EPRS1: variants seen among roughly 807,000 people sequenced by gnomAD.
EPRS1 encodes the protein bifunctional glutamate/proline--tRNA ligase.
EPRS1 carries 107 observed loss-of-function variants against 188.3 expected under a neutral mutation model. The ratio of observed to expected loss-of-function variants is 0.57; its 90% CI spans 0.49 to 0.67. The LOEUF (loss-of-function observed/expected upper bound fraction) is 0.67, where lower values mean the gene tolerates loss of function less well. Ranked by LOEUF, EPRS1 falls within the 30% of genes least tolerant of loss-of-function variation. The pLI is 0.00. For synonymous variants in EPRS1, 596 were observed against 593.1 expected, an observed-to-expected ratio of 1.00 and a Z score of -0.07; for missense variants, 1,577 against 1,802.2, an observed-to-expected ratio of 0.88 and a Z score of 2.26.
intron 10 of EPRS1, 25 bp downstream of exon 10, chr1:220,019,963 C>A: frequency 6.7e-7 from 1 of 1,499,756 alleles, no homozygotes; most frequent in South Asian, 1.1e-5. Flanking sequence ...TACTTCTTGT[C>A]AATTCTAAGT....
At chr1:219,999,744 T>C (rs1274507317) in intron 17 of EPRS1, among the ~76,000 whole-genome samples, 1 of 152,054 alleles carries the variant, frequency 6.6e-6, no homozygotes, top group Non-Finnish European at 1.5e-5. Flanking sequence ...GAGGCCGAGG[T>C]GGGCAGATCA....
At chr1:219,988,546 G>T in intron 19 of EPRS1, 44 bp downstream of exon 19, 1 of 1,366,774 alleles carries the variant, frequency 7.3e-7, no homozygotes, top group Non-Finnish European at 1.0e-6. Flanking sequence ...ACAATACCCT[G>T]AAACATAAAA....
intron 2 of EPRS1, among the ~76,000 whole-genome samples, chr1:220,037,804 G>T (rs2102599390): frequency 6.6e-6 from 1 of 152,152 alleles, no homozygotes; most frequent in South Asian, 2.1e-4. Flanking sequence ...ACATAGAAAA[G>T]TTCAGAAATC....
At chr1:220,039,800 G>A (rs1662258757) in intron 2 of EPRS1, among the ~76,000 whole-genome samples, 1 of 152,184 alleles carries the variant, frequency 6.6e-6, no homozygotes, top group Admixed American at 6.5e-5. Context: ...TTACAGGTGT[G>A]AGCCACCGCG....
At chr1:220,017,547 G>A (rs540925813) in intron 12 of EPRS1, among the ~76,000 whole-genome samples, 17 of 152,126 alleles carry the variant, frequency 1.1e-4, no homozygotes, top group African/African-American at 3.9e-4. Context: ...AACTAAACAC[G>A]AAAGACCAAA....
rs1660706649 is a variant in EPRS1, at chr1:219,973,383, G to A, written c.4099C>T (p.Leu1367Phe). ...TTCATATCACGTGGCCCAACTTCAA[G>A]TCTAATGGGAACTCCCTATAAGATA... ...HWELKGVPIR[L>F]EVGPRDMKSC... Residue 1367 changes from leucine (L) to phenylalanine (F), a missense_variant, in exon 29 of 32, where the codon CTT (leucine) becomes TTT (phenylalanine). This residue lies in a region of EPRS1 where 296 missense variants were observed against 327.9 expected (regional missense o/e 0.90). Transcript: ENST00000366923. 6.2e-7 allele frequency: 1 copy of A among 1,611,106 alleles called. No homozygotes were observed. Among genetic ancestry groups the A allele is most frequent in the African/African-American group, 1.3e-5 (1 of 74,202 alleles).
chr1:220,005,102 TA>T (rs1234613896), intron 16 of EPRS1, 145 bp downstream of exon 16: 2 of 399,492 alleles, frequency 5.0e-6, no homozygotes, highest in African/African-American at 4.1e-5. Context: ...ATTACTTGTC[TA>T]AAATGTTAAA....
At chr1:220,008,887 G>C (rs1157877073) in intron 13 of EPRS1, among the ~76,000 whole-genome samples, 3 of 151,978 alleles carry the variant, frequency 2.0e-5, no homozygotes, top group African/African-American at 7.3e-5. Context: ...TGTTGACCAG[G>C]CTGGTCTTGA....
intron 27 of EPRS1, among the ~76,000 whole-genome samples, chr1:219,978,964 A>AT (rs143483062): frequency 0.083 from 10,406 of 125,850 alleles, 398 homozygotes; most frequent in African/African-American, 0.095. Context: ...ATATATATAT[A>AT]TTTTTTTTTC....
At chr1:220,033,732 T>C (rs1484015021) in intron 3 of EPRS1, 74 bp from the exon 4 acceptor site, 6 of 1,087,018 alleles carry the variant, frequency 5.5e-6, no homozygotes, top group African/African-American at 4.8e-5. Flanking sequence ...ATAAAAAAAT[T>C]CTAGTTAACT....
chr1:219,983,391 G>A lies in EPRS1; in HGVS notation c.3098C>T (p.Thr1033Ile), dbSNP rs1446635525. The A allele has an allele frequency of 1.9e-6, 3 of 1,607,766 alleles. No individual in the cohort carries two copies. The highest frequency in any genetic ancestry group is 3.4e-5 in the Admixed American group (2 of 59,082). Residue 1033 changes from threonine to isoleucine, a missense_variant, in exon 22 of 32, where the codon ACA becomes ATA. This residue lies in a region of EPRS1 where 1,278 missense variants were observed against 1,457.4 expected (regional missense o/e 0.88). Coordinates refer to ENST00000366923, the MANE Select transcript of EPRS1 (RefSeq NM_004446.3). The stretch of plus-strand genomic sequence containing the variant: ...ATGGTATTCAATCATTTCTGACTTT[G>A]TGATGACCTTTTTAAAAGAAAAATA... ...NLADWYSQVI[T>I]KSEMIEYHDI... is the part of the protein sequence containing the mutation.
At chr1:219,998,692 A>C (rs1661284383) in intron 17 of EPRS1, among the ~76,000 whole-genome samples, 1 of 151,738 alleles carries the variant, frequency 6.6e-6, no homozygotes, top group South Asian at 2.1e-4. Flanking sequence ...ACAGGCCTGC[A>C]CCACCACACC....
chr1:220,024,335 A>G lies in EPRS1; in HGVS notation c.872T>C (p.Val291Ala), dbSNP rs1413053062. 2 of 1,613,678 alleles carry G rather than the reference A, an allele frequency of 1.2e-6. No homozygotes were observed. Among genetic ancestry groups the G allele is most frequent in the Non-Finnish European group, 1.7e-6 (2 of 1,179,656 alleles). Reference protein sequence around the residue: ...EKLIQEGKAYVDDTPAEQMKA... With the variant: ...EKLIQEGKAYADDTPAEQMKA... ...CATCTGTTCAGCAGGAGTATCATCC[A>G]CATAAGCCTTCCCTTCTTGAATTAG... is the stretch of plus-strand genomic sequence containing the variant. The change falls in exon 8 of 32, where the codon GTG becomes GCG. Residue 291 changes from valine to alanine, a missense_variant. By Grantham distance (64) the Val-to-Ala change is moderately conservative (BLOSUM62 0). Transcript: ENST00000366923.
chr1:219,969,148 A>G (rs1660620080), intron 30 of EPRS1, 26 bp from the exon 31 acceptor site: 1 of 1,467,784 alleles, frequency 6.8e-7, no homozygotes, highest in East Asian at 2.3e-5. Flanking sequence ...AAAAGTAATC[A>G]GTATTTATAA....
At position 219,997,128 on chromosome 1, in the gene EPRS1, T is replaced by C; in HGVS notation, c.2396A>G (p.Tyr799Cys). The change falls in exon 18 of 32, where the codon TAT becomes TGT. Residue 799 changes from tyrosine (Y) to cysteine (C), a missense_variant. Tyr to Cys is a radical substitution (Grantham distance 194). Transcript: ENST00000366923. ...AEYKEKTGQE[Y>C]KPGNPPAEIG... ...TTCAGCAGGAGGGTTTCCAGGTTTA[T>C]ATTCCTGGCCAGTTTTCTCCTTATA... 6.2e-7 allele frequency: 1 copy of C among 1,614,110 alleles called. No individual in the cohort carries two copies. Among genetic ancestry groups the C allele is most frequent in the Non-Finnish European group, 8.5e-7 (1 of 1,179,996 alleles).
intron 12 of EPRS1, 131 bp from the exon 13 acceptor site, chr1:220,011,187 A>C: frequency 1.8e-6 from 1 of 554,782 alleles, no homozygotes; most frequent in Non-Finnish European, 3.2e-6. Flanking sequence ...TTCAACTGTT[A>C]ACTCTTTTCT....
chr1:220,015,417 C>T (rs1165339342), intron 12 of EPRS1, among the ~76,000 whole-genome samples: 2 of 151,954 alleles, frequency 1.3e-5, no homozygotes, highest in South Asian at 2.1e-4. Context: ...GAGCCGAGAT[C>T]GTGCCACTGC....
chr1:219,997,214 C>T lies in EPRS1; in HGVS notation c.2310G>A (p.Lys770=), dbSNP rs1326929771. 1 of 1,613,956 alleles carries T rather than the reference C, an allele frequency of 6.2e-7. No individual in the cohort carries two copies. The highest frequency in any genetic ancestry group is 2.2e-5 in the East Asian group (1 of 44,874). ...CATCTACATCTTCCTTTGGTGCTTT[C>T]TTGGCTTTTAATTCACGAACCACAT... The part of the protein sequence containing the change: ...QGDVVRELKA[K]KAPKEDVDAA... Residue 770 remains lysine, a synonymous_variant, in exon 18 of 32, where the codon AAG becomes AAA. Transcript: ENST00000366923.
At chr1:219,970,472 C>T (rs1246099774) in intron 30 of EPRS1, among the ~76,000 whole-genome samples, 5 of 152,098 alleles carry the variant, frequency 3.3e-5, no homozygotes, top group Non-Finnish European at 7.4e-5. Flanking sequence ...ACTGTCTAGC[C>T]TTCTATTAAA....
Sources: allele counts gnomAD v4.1 joint callset (sites outside exome capture counted in the v4.1 genomes callset), GRCh38; gene constraint gnomAD v4.1.1; regional missense constraint gnomAD v4.1.1; transcripts MANE v1.5; gene names NCBI Gene and HGNC (gene_info 2026-07-23, HGNC 2026-07-21).